Variants in ARID1A observed in about 807,000 individuals in gnomAD.
ARID1A encodes AT-rich interactive domain-containing protein 1A.
In ARID1A, 20 loss-of-function variants were observed where a neutral mutation model predicts 212.6. That is an observed-to-expected ratio of 0.09 (90% CI 0.07 to 0.14). The LOEUF is 0.14. ARID1A is among the 10% of genes least tolerant of loss of function. ARID1A has a pLI of 1.00. For synonymous variants in ARID1A, 1,376 were observed against 1,222.1 expected (o/e 1.13, Z -2.63); for missense variants, 2,587 against 3,059.0 (o/e 0.85, Z 3.64).
intron 1 of ARID1A, among the ~76,000 whole-genome samples, chr1:26,727,393 G>T (rs1017011370): frequency 1.1e-4 from 17 of 152,144 alleles, no homozygotes; most frequent in African/African-American, 4.1e-4. Flanking sequence ...GTAGTTATGT[G>T]AATTTAAATT....
chr1:26,707,987 CT>C (rs1297456449), intron 1 of ARID1A, among the ~76,000 whole-genome samples: 4 of 152,148 alleles, frequency 2.6e-5, no homozygotes, highest in Non-Finnish European at 2.9e-5. Flanking sequence ...TTACAATAGC[CT>C]GAAACTCTTA....
At chr1:26,707,177 G>A (rs1167699512) in intron 1 of ARID1A, among the ~76,000 whole-genome samples, 2 of 150,638 alleles carry the variant, frequency 1.3e-5, no homozygotes, top group African/African-American at 2.4e-5. Flanking sequence ...GGGACTACAG[G>A]CATGCGCCAC....
chr1:26,752,358 G>C (rs2080892450), intron 4 of ARID1A, among the ~76,000 whole-genome samples: 1 of 152,156 alleles, frequency 6.6e-6, no homozygotes, highest in Non-Finnish European at 1.5e-5. Context: ...GTAACTTTTG[G>C]AGTCCCTACC....
intron 1 of ARID1A, among the ~76,000 whole-genome samples, chr1:26,699,060 GT>G (rs1557572794): frequency 6.6e-6 from 1 of 152,024 alleles, no homozygotes; most frequent in African/African-American, 2.4e-5. Context: ...TGGTGAAATT[GT>G]TTTTTTCCTG....
At chr1:26,770,942 C>G in intron 11 of ARID1A, 177 bp from the exon 12 acceptor site, 1 of 614,838 alleles carries the variant, frequency 1.6e-6, no homozygotes, top group Non-Finnish European at 2.8e-6. Context: ...AAAATGAAGC[C>G]AGCTGCAGAT....
intron 1 of ARID1A, chr1:26,729,086 G>A (rs2080647726): frequency 6.5e-6 from 1 of 153,856 alleles, no homozygotes; most frequent in African/African-American, 2.4e-5. Context: ...GAGCTTTTCA[G>A]TTGAGATGCA....
rs1327651890 is a variant in ARID1A, at chr1:26,696,509, G to A, written c.106G>A (p.Gly36Arg). 1.6e-6 allele frequency: 2 copies of A among 1,230,114 alleles called. No homozygotes were observed. Among genetic ancestry groups the A allele is most frequent in the African/African-American group, 1.6e-5 (1 of 63,564 alleles). The allele number at this position is 1,230,114 out of a possible 1,614,324, so 76.2% of individuals were successfully genotyped here. Residue 36 changes from glycine to arginine, a missense_variant, in exon 1 of 20, where the codon GGG becomes AGG. Physicochemically the swap from Gly to Arg is moderately radical, Grantham distance 125. Around this residue, in one of 11 missense-constraint regions of ARID1A, gnomAD observed 735 missense variants for 590.6 expected, o/e 1.24. Coordinates refer to ENST00000324856, the MANE Select transcript of ARID1A (RefSeq NM_006015.6). ...CGAGCAGCAGCAGCGGGAGGAGGCG[G>A]GGGGCGAGGCGGCGGCGGCGGCAGC... The part of the protein sequence containing the change: ...KAEQQQREEA[G>R]GEAAAAAAAE...
At chr1:26,702,576 C>G (rs563446846) in intron 1 of ARID1A, among the ~76,000 whole-genome samples, 40 of 152,288 alleles carry the variant, frequency 2.6e-4, no homozygotes, top group African/African-American at 9.1e-4. Flanking sequence ...AAGATGTAAA[C>G]TGTTCTATAG....
At position 26,776,059 on chromosome 1, in the gene ARID1A, C is replaced by T. The variant is rs184613940; in HGVS notation, c.5124+352C>T. 1.2e-3 allele frequency: 443 copies of T among 372,218 alleles called. 2 individuals carry two copies. Among genetic ancestry groups the T allele is most frequent in the Non-Finnish European group, 8.5e-4 (162 of 190,438 alleles). 23.1% of individuals were successfully genotyped at this position (372,218 alleles called of 1,614,324 possible). On this transcript the variant is annotated intron_variant, in intron 19 of 19. Transcript: ENST00000324856. ...TAGAGACGAGGTCTCACTATGTTGC[C>T]GAGGTTCATGAACTCCTGAGTTCAA...
At chr1:26,750,193 T>C (rs995457867) in intron 4 of ARID1A, among the ~76,000 whole-genome samples, 4 of 152,226 alleles carry the variant, frequency 2.6e-5, no homozygotes, top group African/African-American at 9.6e-5. Context: ...ACTAGTCCTG[T>C]GACTTGGGTC....
At position 26,731,404 on chromosome 1, in the gene ARID1A, C is replaced by A. The variant is rs752610128; in HGVS notation, c.1603C>A (p.Pro535Thr). The change falls in exon 3 of 20, where the codon CCC (proline) becomes ACC (threonine). Residue 535 changes from proline to threonine, a missense_variant. This residue lies in a region of ARID1A where 674 missense variants were observed against 813.4 expected (regional missense o/e 0.83). Coordinates refer to ENST00000324856, the MANE Select transcript of ARID1A (RefSeq NM_006015.6). ...PPHQQSPAPYPSQQSTTQQHP... is the reference protein window; with the variant it reads ...PPHQQSPAPYTSQQSTTQQHP... Reference sequence around the variant, plus strand: ...ACATCAGCAGTCCCCGGCTCCATACCCCTCCCAGCAGTCGACGACACAGCA... The same window carrying A: ...ACATCAGCAGTCCCCGGCTCCATACACCTCCCAGCAGTCGACGACACAGCA... 3.1e-6 allele frequency: 5 copies of A among 1,613,794 alleles called. No individual in the cohort carries two copies. The African/African-American group carries it at 6.7e-5, about 22-fold the overall frequency.
Position 26,773,674 on chromosome 1 carries a change from C to T in ARID1A, c.3961C>T (p.Pro1321Ser), listed in dbSNP as rs774283518. 3.7e-6 allele frequency: 6 copies of T among 1,614,038 alleles called. No homozygotes were observed. Among genetic ancestry groups the T allele is most frequent in the South Asian group, 3.3e-5 (3 of 91,082 alleles). Residue 1321 changes from proline (P) to serine (S), a missense_variant, in exon 16 of 20, where the codon CCT becomes TCT. Pro to Ser is a moderately conservative substitution (Grantham distance 74, BLOSUM62 -1). This residue lies in a region of ARID1A where 890 missense variants were observed against 1,098.2 expected (regional missense o/e 0.81). Transcript: ENST00000324856. The stretch of plus-strand genomic sequence containing the variant: ...CAACCCAGACTCGGGGATGTATTCT[C>T]CTAGCCGCTACCCCCCGCAGCAGCA... ...PSNPDSGMYS[P>S]SRYPPQQQQQ...
chr1:26,725,752 C>G (rs1329799376), intron 1 of ARID1A, among the ~76,000 whole-genome samples: 1 of 152,054 alleles, frequency 6.6e-6, no homozygotes, highest in Admixed American at 6.6e-5. Context: ...GCGCAGGCCT[C>G]CGTGTGAGAG....
intron 1 of ARID1A, among the ~76,000 whole-genome samples, chr1:26,717,106 G>C (rs962156498): frequency 6.6e-6 from 1 of 152,204 alleles, no homozygotes; most frequent in Non-Finnish European, 1.5e-5. Context: ...TGGCTGTACT[G>C]TCAGGATTCT....
intron 4 of ARID1A, among the ~76,000 whole-genome samples, chr1:26,736,617 A>G (rs2080732584): frequency 1.6e-5 from 2 of 128,012 alleles, no homozygotes. Context: ...TGACAGAGAG[A>G]GACTCTGTCT....
chr1:26,708,266 C>CTTTTTTTTTTTTTTTT lies in ARID1A; in HGVS notation c.1137+10747_1137+10762dup, dbSNP rs397860721. Among the ~76,000 whole-genome samples the CTTTTTTTTTTTTTTTT allele has an allele frequency of 4.6e-4, 11 of 23,754 alleles. 3 individuals are homozygous for CTTTTTTTTTTTTTTTT. Among genetic ancestry groups the CTTTTTTTTTTTTTTTT allele is most frequent in the African/African-American group, 1.0e-3 (6 of 6,012 alleles). 15.6% of individuals were successfully genotyped at this position (23,754 alleles called of 152,430 possible). A position where few individuals can be genotyped will look rare whatever the true frequency, so the allele number is the denominator to read the frequency against. On this transcript the variant is annotated intron_variant, in intron 1 of 19. Transcript: ENST00000324856. ...TCAGCCTTTAAGATACAGTCCTTCA[C>CTTTTTTTTTTTTTTTT]TTTTTTTTTTTTTTTTTTTTTTTTT...
intron 4 of ARID1A, among the ~76,000 whole-genome samples, chr1:26,756,583 A>C (rs1557605230): frequency 6.6e-6 from 1 of 151,732 alleles, no homozygotes; most frequent in South Asian, 2.1e-4. Context: ...AAAAAACAAA[A>C]AAACACACAC....
intron 4 of ARID1A, among the ~76,000 whole-genome samples, chr1:26,744,557 G>C (rs958253995): frequency 1.3e-5 from 2 of 152,034 alleles, no homozygotes; most frequent in African/African-American, 4.8e-5. Context: ...AGTTAAGTTG[G>C]GCCAAACTTG....
At position 26,760,976 on chromosome 1, in the gene ARID1A, T is replaced by G; in HGVS notation, c.2041T>G (p.Phe681Val). 6.2e-7 allele frequency: 1 copy of G among 1,614,054 alleles called. No homozygotes were observed. The highest frequency in any genetic ancestry group is 8.5e-7 in the Non-Finnish European group (1 of 1,180,022). The change falls in exon 5 of 20, where the codon TTC becomes GTC. Residue 681 changes from phenylalanine to valine, a missense_variant. By Grantham distance (50) the Phe-to-Val change is conservative. Coordinates refer to ENST00000324856, the MANE Select transcript of ARID1A (RefSeq NM_006015.6). The stretch of plus-strand genomic sequence containing the variant: ...GCAGAGTAATCCAGCTCAGTCTCCT[T>G]TCTCTCCTCATACCTCCCCTCACCT... The part of the protein sequence containing the change: ...GEQSNPAQSP[F>V]SPHTSPHLPG...
Sources: gnomAD v4.1 joint callset for allele counts (sites outside exome capture counted in the v4.1 genomes callset) on GRCh38, gnomAD v4.1.1 for gene constraint, gnomAD v4.1.1 regional missense constraint, MANE v1.5 for transcripts, NCBI Gene and HGNC (gene_info 2026-07-23, HGNC 2026-07-21) for gene names.